Variants in MRE11 observed in about 807,000 individuals in gnomAD.
MRE11 encodes the protein MRE11 double strand break repair nuclease.
A neutral mutation model predicts 91.7 loss-of-function variants in MRE11; 62 were observed. The ratio of observed to expected loss-of-function variants is 0.68; its 90% CI spans 0.55 to 0.84. The LOEUF (loss-of-function observed/expected upper bound fraction) is 0.84. MRE11 is among the 40% of genes least tolerant of loss of function. MRE11 has a pLI of 0.00. For synonymous variants in MRE11, 273 were observed against 271.4 expected (o/e 1.01, Z -0.06); for missense variants, 796 against 852.9 (o/e 0.93, Z 0.83).
At chr11:94,492,583 A>G (rs1486933103) in intron 2 of MRE11, 199 bp downstream of exon 2, 2 of 918,976 alleles carry the variant, frequency 2.2e-6, no homozygotes, top group East Asian at 2.6e-5. Flanking sequence ...ACTCCAATCT[A>G]TAGCTGCATA....
chr11:94,497,171 C>A, upstream of MRE11: 1 of 596,666 alleles, frequency 1.7e-6, no homozygotes, highest in Non-Finnish European at 2.9e-6. Flanking sequence ...AAGCAATCAT[C>A]TATATTTTAA....
intron 4 of MRE11, among the ~76,000 whole-genome samples, chr11:94,481,087 T>A (rs1447137018): frequency 6.6e-6 from 1 of 152,180 alleles, no homozygotes; most frequent in Non-Finnish European, 1.5e-5. Context: ...GGTGGGCAGA[T>A]CACCTGAGGT....
At chr11:94,452,961 C>T (rs1444915241) in intron 14 of MRE11, among the ~76,000 whole-genome samples, 2 of 152,156 alleles carry the variant, frequency 1.3e-5, no homozygotes. Context: ...CAAACTGAAA[C>T]TCCATACCTA....
intron 18 of MRE11, among the ~76,000 whole-genome samples, chr11:94,434,918 A>C (rs553069162): frequency 6.6e-6 from 1 of 152,366 alleles, no homozygotes; most frequent in South Asian, 2.1e-4. Context: ...ACAGAAAATA[A>C]GTACAAAATA....
At chr11:94,512,051 A>G in the MRE11 span, among the ~76,000 whole-genome samples, 2 of 152,254 alleles carry the variant, frequency 1.3e-5, no homozygotes, top group Non-Finnish European at 2.9e-5. Flanking sequence ...CGACAGGCAC[A>G]AGGCTGCGTG....
In MRE11 at chr11:94,418,354, T is replaced by C. The variant is rs976287461; in HGVS notation, c.*1771A>G. Reference sequence around the variant, plus strand: ...CCTTAGCGGTGAACTGAATCGCATTTAGTACCTCTTTTCACAGCCAAGAGC... The same window carrying C: ...CCTTAGCGGTGAACTGAATCGCATTCAGTACCTCTTTTCACAGCCAAGAGC... On this transcript the variant is annotated 3_prime_UTR_variant, in exon 20 of 20. Transcript: ENST00000323929. The C allele has an allele frequency of 1.3e-5, 3 of 232,988 alleles. No individual in the cohort carries two copies. Among genetic ancestry groups the C allele is most frequent in the Non-Finnish European group, 2.5e-5 (3 of 117,956 alleles). 14.4% of individuals were successfully genotyped at this position (232,988 alleles called of 1,614,324 possible). A position where few individuals can be genotyped will look rare whatever the true frequency, so the allele number is the denominator to read the frequency against.
At chr11:94,457,776 A>G (rs1024845359) in intron 13 of MRE11, among the ~76,000 whole-genome samples, 8 of 152,078 alleles carry the variant, frequency 5.3e-5, no homozygotes, top group African/African-American at 7.2e-5. Context: ...AGATAACTCA[A>G]TGATGGGTAC....
the MRE11 span, among the ~76,000 whole-genome samples, chr11:94,506,151 AT>A: frequency 6.6e-6 from 1 of 151,106 alleles, no homozygotes; most frequent in Admixed American, 6.6e-5. Context: ...ACCATCCTGG[AT>A]TTTTTTTCAT....
chr11:94,456,198 T>C, intron 14 of MRE11, 78 bp downstream of exon 14: 1 of 1,364,040 alleles, frequency 7.3e-7, no homozygotes. Flanking sequence ...ATGGACTGAC[T>C]ATTCTAACTA....
chr11:94,457,383 C>T (rs930184639), intron 13 of MRE11, among the ~76,000 whole-genome samples: 6 of 152,058 alleles, frequency 3.9e-5, no homozygotes, highest in Non-Finnish European at 7.4e-5. Flanking sequence ...CTCTTTGAAG[C>T]GATTCTGCTC....
chr11:94,495,238 C>T (rs1308603424), upstream of MRE11, among the ~76,000 whole-genome samples: 1 of 152,120 alleles, frequency 6.6e-6, no homozygotes, highest in Non-Finnish European at 1.5e-5. Flanking sequence ...AAATCAGTAT[C>T]TTGGGGTTAT....
At chr11:94,481,751 A>G (rs568247242) in intron 4 of MRE11, among the ~76,000 whole-genome samples, 19 of 152,254 alleles carry the variant, frequency 1.2e-4, no homozygotes, top group Non-Finnish European at 2.2e-4. Flanking sequence ...TCACTTACCT[A>G]TCTACTAATT....
chr11:94,442,382 G>A (rs1945804731), intron 16 of MRE11, among the ~76,000 whole-genome samples: 1 of 151,986 alleles, frequency 6.6e-6, no homozygotes, highest in Admixed American at 6.6e-5. Context: ...ACTCAAAGAC[G>A]ACTCATTTTA....
chr11:94,435,817 A>G lies in MRE11; in HGVS notation c.1994+15T>C, dbSNP rs13447718. ...TTTTTCAGATGTTTCTTTTGCAGAA[A>G]ATCACTGCACCTACCTTTGATCTGT... On this transcript the variant is annotated intron_variant, in intron 18 of 19. Coordinates refer to ENST00000323929, the MANE Select transcript of MRE11 (RefSeq NM_005591.4). 8 of 1,608,572 alleles carry G rather than the reference A, an allele frequency of 5.0e-6. No homozygotes were observed. In the African/African-American group the frequency reaches 6.7e-5, roughly 13 times the overall value.
rs1459082816 is a variant in MRE11 at position 94,430,547 on chromosome 11, C to G, written c.1995-561G>C. ...CCAGGCTGGAATGCAGTAGCACCAT[C>G]TCGGCTCACTGCAACCTCCACCTCC... is the stretch of plus-strand genomic sequence containing the variant. On this transcript the variant is annotated intron_variant, in intron 18 of 19. Coordinates refer to ENST00000323929, the MANE Select transcript of MRE11 (RefSeq NM_005591.4). Among the ~76,000 whole-genome samples the G allele has an allele frequency of 4.7e-5, 7 of 150,418 alleles. No individual in the cohort carries two copies. The East Asian group carries it at 1.4e-3, about 29-fold the overall frequency.
chr11:94,476,883 C>A (rs1192951041), intron 6 of MRE11, among the ~76,000 whole-genome samples: 1 of 152,002 alleles, frequency 6.6e-6, no homozygotes, highest in Non-Finnish European at 1.5e-5. Flanking sequence ...CCACGTCTGG[C>A]TAATTTTTGC....
intron 9 of MRE11, 21 bp downstream of exon 9, chr11:94,470,450 G>T: frequency 1.2e-6 from 2 of 1,607,972 alleles, no homozygotes; most frequent in South Asian, 2.2e-5. Context: ...AGATCTCATT[G>T]ACTTTATCAA....
intron 18 of MRE11, among the ~76,000 whole-genome samples, chr11:94,431,018 T>C (rs661957): frequency 0.65 from 98,987 of 152,006 alleles, 32,439 homozygotes; most frequent in South Asian, 0.77. Context: ...AAAATACTCC[T>C]TATCTGGCCT....
chr11:94,425,289 C>A (rs1411056091), intron 19 of MRE11, among the ~76,000 whole-genome samples: 1 of 152,138 alleles, frequency 6.6e-6, no homozygotes, highest in Admixed American at 6.5e-5. Context: ...CCTTCTCAGG[C>A]AAGCAAATGC....
Sources: gnomAD v4.1 joint callset for allele counts (sites outside exome capture counted in the v4.1 genomes callset) on GRCh38, gnomAD v4.1.1 for gene constraint, MANE v1.5 for transcripts, NCBI Gene and HGNC (gene_info 2026-07-23, HGNC 2026-07-21) for gene names.